The following WSCD2 variants were observed in gnomAD, a reference collection of about 807,000 sequenced individuals.
WSCD2 encodes WSC domain sialate O sulfotransferase 2.
A neutral mutation model predicts 55.7 loss-of-function variants in WSCD2; 28 were observed. The ratio of observed to expected loss-of-function variants is 0.50; its 90% CI spans 0.37 to 0.69. The LOEUF (loss-of-function observed/expected upper bound fraction) is 0.69, where lower values mean the gene tolerates loss of function less well. Ranked by LOEUF, WSCD2 falls within the 30% of genes least tolerant of loss-of-function variation. The pLI, the probability that WSCD2 is intolerant of heterozygous loss-of-function variation, is 0.00. For synonymous variants in WSCD2, 301 were observed against 301.9 expected (o/e 1.00, Z 0.03); for missense variants, 616 against 762.1 (o/e 0.81, Z 2.26).
intron 4 of WSCD2, among the ~76,000 whole-genome samples, chr12:108,219,236 A>G (rs1887198939): frequency 6.6e-6 from 1 of 152,192 alleles, no homozygotes; most frequent in African/African-American, 2.4e-5. Flanking sequence ...CAAGTTATCT[A>G]CAGAAGTGCA....
intron 6 of WSCD2, 112 bp downstream of exon 6, chr12:108,227,276 A>T (rs1888210782): frequency 1.5e-6 from 2 of 1,296,580 alleles, no homozygotes; most frequent in Non-Finnish European, 2.1e-6. Flanking sequence ...AAAACCATGC[A>T]AGCCAGAGGG....
chr12:108,132,078 A>G (rs1875601082), intron 1 of WSCD2, among the ~76,000 whole-genome samples: 1 of 151,382 alleles, frequency 6.6e-6, no homozygotes, highest in Non-Finnish European at 1.5e-5. Flanking sequence ...GTGCCTGCGT[A>G]TGCACACATG....
At chr12:108,189,063 G>T (rs1436344903) in intron 1 of WSCD2, among the ~76,000 whole-genome samples, 2 of 152,162 alleles carry the variant, frequency 1.3e-5, no homozygotes, top group African/African-American at 4.8e-5. Context: ...AAAGAGGGAA[G>T]ACTGGAAATA....
Position 108,196,109 on chromosome 12 carries a change from T to A in WSCD2, c.277T>A (p.Phe93Ile), listed in dbSNP as rs779130905. ...CATTGCTCGCAGGTACGGACCCTGG[T>A]TCAAGGGCAAGGATGGGAATGAGAG... is the stretch of plus-strand genomic sequence containing the variant. ...SSIARRYGPW[F>I]KGKDGNERAK... The change falls in exon 2 of 9, where the codon TTC becomes ATC. Residue 93 changes from phenylalanine (F) to isoleucine (I), a missense_variant. Physicochemically the swap from Phe to Ile is conservative, Grantham distance 21 (BLOSUM62 0). Transcript: ENST00000547525. The A allele has an allele frequency of 1.2e-6, 2 of 1,614,020 alleles. No individual in the cohort carries two copies. The highest frequency in any genetic ancestry group is 1.7e-6 in the Non-Finnish European group (2 of 1,180,000).
At chr12:108,155,223 CAG>C (rs1408367919) in intron 1 of WSCD2, among the ~76,000 whole-genome samples, 3 of 152,124 alleles carry the variant, frequency 2.0e-5, no homozygotes, top group Admixed American at 6.5e-5. Flanking sequence ...GAATGGGGCA[CAG>C]GACAGGTAAG....
intron 1 of WSCD2, among the ~76,000 whole-genome samples, chr12:108,154,758 C>A (rs1174920263): frequency 2.6e-5 from 4 of 152,100 alleles, no homozygotes; most frequent in Admixed American, 1.3e-4. Context: ...CATTTATTAA[C>A]CTATCTTCAA....
intron 1 of WSCD2, among the ~76,000 whole-genome samples, chr12:108,180,195 G>A (rs1881531275): frequency 6.6e-6 from 1 of 152,094 alleles, no homozygotes; most frequent in African/African-American, 2.4e-5. Flanking sequence ...AAATAAGATT[G>A]TCATTTTCCT....
rs191123419 is a variant in WSCD2 at position 108,136,804 on chromosome 12, C to T, written c.-552+6878C>T. 8.6e-5 allele frequency among the ~76,000 whole-genome samples: 13 copies of T among 151,910 alleles called. No individual in the cohort carries two copies. The East Asian group carries it at 2.1e-3, about 25-fold the overall frequency. ...GTGATGCACGGTTTCAGGAACTCCT[C>T]GGAGGAAGCTTTCCCTTTTCTCTCC... On this transcript the variant is annotated intron_variant, in intron 1 of 8. Coordinates refer to ENST00000547525, the MANE Select transcript of WSCD2 (RefSeq NM_014653.4).
chr12:108,190,036 A>G (rs987864354), intron 1 of WSCD2, among the ~76,000 whole-genome samples: 1 of 152,244 alleles, frequency 6.6e-6, no homozygotes, highest in African/African-American at 2.4e-5. Flanking sequence ...GTATATATTG[A>G]CTTATTTAGT....
At chr12:108,166,787 T>TTCTTTCTTTCTG in intron 1 of WSCD2, among the ~76,000 whole-genome samples, 1 of 146,242 alleles carries the variant, frequency 6.8e-6, no homozygotes, top group African/African-American at 2.6e-5. Flanking sequence ...CTTTCTTTCT[T>TTCTTTCTTTCTG]TCTGTCTTTC....
intron 1 of WSCD2, among the ~76,000 whole-genome samples, chr12:108,165,360 G>A (rs1331226910): frequency 6.6e-6 from 1 of 152,188 alleles, no homozygotes; most frequent in Non-Finnish European, 1.5e-5. Context: ...TGCATACCCA[G>A]GCTCTGTTAC....
intron 1 of WSCD2, among the ~76,000 whole-genome samples, chr12:108,134,430 A>G (rs767614794): frequency 7.9e-5 from 12 of 152,188 alleles, no homozygotes; most frequent in Non-Finnish European, 1.6e-4. Flanking sequence ...TGTTTCTGCC[A>G]TGGCTAGGTG....
rs1180170625 is a variant in WSCD2, at chr12:108,195,480, CCTT to C, written c.-350_-348del. 1.9e-5 allele frequency: 4 copies of C among 212,980 alleles called. No homozygotes were observed. The highest frequency in any genetic ancestry group is 3.7e-5 in the Non-Finnish European group (4 of 108,352). 13.2% of individuals were successfully genotyped at this position (212,980 alleles called of 1,614,324 possible). A position where few individuals can be genotyped will look rare whatever the true frequency, so the allele number is the denominator to read the frequency against. ...TGCAGCTGCTGGTAACCCTCAGAAA[CCTT>C]CTCCAAGTGCTATTCTCACAGTTCT... On this transcript the variant is annotated 5_prime_UTR_variant, in exon 2 of 9. Transcript: ENST00000547525.
At chr12:108,146,182 TGTG>T (rs1275293456) in intron 1 of WSCD2, among the ~76,000 whole-genome samples, 4 of 152,250 alleles carry the variant, frequency 2.6e-5, no homozygotes, top group Non-Finnish European at 5.9e-5. Flanking sequence ...TCTTCTGTAT[TGTG>T]GTAATGAAAA....
At chr12:108,157,339 T>C (rs1452824263) in intron 1 of WSCD2, among the ~76,000 whole-genome samples, 4 of 152,202 alleles carry the variant, frequency 2.6e-5, no homozygotes, top group Non-Finnish European at 4.4e-5. Context: ...TATTATTACC[T>C]GAAGTTCATG....
chr12:108,193,473 T>C (rs567944730), intron 1 of WSCD2, among the ~76,000 whole-genome samples: 9 of 152,260 alleles, frequency 5.9e-5, no homozygotes, highest in African/African-American at 1.7e-4. Flanking sequence ...GATGGATGGA[T>C]GGGCTGCTAT....
At chr12:108,228,484 A>G (rs1888380249) in intron 6 of WSCD2, among the ~76,000 whole-genome samples, 1 of 152,218 alleles carries the variant, frequency 6.6e-6, no homozygotes, top group Non-Finnish European at 1.5e-5. Flanking sequence ...CCCATGCTCC[A>G]GTGACACTCC....
At chr12:108,176,698 A>G (rs1437058507) in intron 1 of WSCD2, among the ~76,000 whole-genome samples, 4 of 152,240 alleles carry the variant, frequency 2.6e-5, no homozygotes, top group African/African-American at 9.6e-5. Flanking sequence ...AGAAATGGTC[A>G]AACTGTTTTC....
chr12:108,197,276 T>A (rs1884044122), intron 2 of WSCD2: 1 of 152,236 alleles, frequency 6.6e-6, no homozygotes, highest in Non-Finnish European at 1.5e-5. Context: ...TGGAGGGAAT[T>A]CATCTTGGAA....
Sources: allele counts gnomAD v4.1 joint callset (sites outside exome capture counted in the v4.1 genomes callset), GRCh38; gene constraint gnomAD v4.1.1; transcripts MANE v1.5; gene names NCBI Gene and HGNC (gene_info 2026-07-23, HGNC 2026-07-21).